The following NRG3 variants were observed in gnomAD, a reference collection of about 807,000 sequenced individuals.
NRG3 encodes neuregulin 3.
NRG3 carries 31 observed loss-of-function variants against 66.9 expected under a neutral mutation model. The observed-to-expected ratio is 0.46, with a 90% CI of 0.35 to 0.63. The LOEUF (loss-of-function observed/expected upper bound fraction) is 0.63. NRG3 is among the 20% of genes least tolerant of loss of function. NRG3 has a pLI of 0.00. For synonymous variants in NRG3, 393 were observed against 359.4 expected (o/e 1.09, Z -1.06); for missense variants, 910 against 878.9 (o/e 1.04, Z -0.45).
intron 1 of NRG3, among the ~76,000 whole-genome samples, chr10:82,158,253 C>T (rs1488874484): frequency 6.6e-6 from 1 of 151,768 alleles, no homozygotes; most frequent in Non-Finnish European, 1.5e-5. Context: ...ATTAACATGT[C>T]ATTTATTCAT....
intron 1 of NRG3, among the ~76,000 whole-genome samples, chr10:82,259,757 A>T (rs893013212): frequency 6.6e-6 from 1 of 152,020 alleles, no homozygotes; most frequent in Admixed American, 6.6e-5. Context: ...GTGAGACCTT[A>T]TGTCTACAAG....
chr10:82,102,003 G>GTATATATATATATATATATA lies in NRG3; in HGVS notation c.823+225856_823+225857insTATATATATATATATATATA, dbSNP rs142461785. 4.7e-4 allele frequency among the ~76,000 whole-genome samples: 61 copies of GTATATATATATATATATATA among 129,232 alleles called. 1 individual carries two copies. The highest frequency in any genetic ancestry group is 7.7e-4 in the Non-Finnish European group (46 of 59,408). The allele number at this position is 129,232 out of a possible 152,430, so 84.8% of individuals were successfully genotyped here. A position where few individuals can be genotyped will look rare whatever the true frequency, so the allele number is the denominator to read the frequency against. On this transcript the variant is annotated intron_variant, in intron 1 of 8. Coordinates refer to ENST00000372141, the MANE Select transcript of NRG3 (RefSeq NM_001010848.4). ...TTTACAGTTCTGTATATATGTGTGC[G>GTATATATATATATATATATA]TATATATATATATATACGCACACAT... is the stretch of plus-strand genomic sequence containing the variant.
chr10:82,647,397 T>C (rs2133858708), intron 2 of NRG3, among the ~76,000 whole-genome samples: 1 of 152,328 alleles, frequency 6.6e-6, no homozygotes, highest in South Asian at 2.1e-4. Context: ...CTTAATCCAG[T>C]CTATCATTGT....
chr10:82,173,490 A>G (rs2072787835), intron 1 of NRG3, among the ~76,000 whole-genome samples: 1 of 152,072 alleles, frequency 6.6e-6, no homozygotes, highest in Non-Finnish European at 1.5e-5. Flanking sequence ...ACCTATTAAA[A>G]CATAGCAACA....
At chr10:82,597,404 G>A (rs184004644) in intron 2 of NRG3, among the ~76,000 whole-genome samples, 5 of 152,286 alleles carry the variant, frequency 3.3e-5, no homozygotes, top group Admixed American at 2.6e-4. Flanking sequence ...TTTCTAGCTT[G>A]TAAAGAGAAT....
chr10:82,474,520 A>G (rs1209500798), intron 2 of NRG3, among the ~76,000 whole-genome samples: 1 of 152,186 alleles, frequency 6.6e-6, no homozygotes, highest in Non-Finnish European at 1.5e-5. Flanking sequence ...AAACAGAAGA[A>G]CTAATCATAG....
At chr10:82,841,458 T>C (rs1048612332) in intron 3 of NRG3, among the ~76,000 whole-genome samples, 1 of 152,226 alleles carries the variant, frequency 6.6e-6, no homozygotes, top group Non-Finnish European at 1.5e-5. Context: ...TCACATTATA[T>C]AATCATATCC....
At chr10:82,317,299 A>G (rs1445068570) in intron 1 of NRG3, among the ~76,000 whole-genome samples, 1 of 150,856 alleles carries the variant, frequency 6.6e-6, no homozygotes, top group East Asian at 1.9e-4. Context: ...ACACTATTTT[A>G]TTTTCCTCAT....
intron 1 of NRG3, among the ~76,000 whole-genome samples, chr10:82,177,645 C>G (rs1289550023): frequency 6.6e-6 from 1 of 152,158 alleles, no homozygotes; most frequent in Non-Finnish European, 1.5e-5. Flanking sequence ...GAAATCACAG[C>G]TCGCTGCCAC....
rs74345085 is a variant in NRG3 at position 81,981,261 on chromosome 10, C to G, written c.823+105098C>G. On this transcript the variant is annotated intron_variant, in intron 1 of 8. Coordinates refer to ENST00000372141, the MANE Select transcript of NRG3 (RefSeq NM_001010848.4). ...CCAGCTGTGAACTTGTAAAATTGTA[C>G]AAGTTCCGTATATTGAAAATCCATT... 3.2e-3 allele frequency among the ~76,000 whole-genome samples: 482 copies of G among 152,192 alleles called. 2 individuals carry two copies. The highest frequency in any genetic ancestry group is 4.9e-3 in the Non-Finnish European group (333 of 68,002).
chr10:82,378,723 A>T (rs937414324), intron 2 of NRG3, among the ~76,000 whole-genome samples: 2 of 151,954 alleles, frequency 1.3e-5, no homozygotes, highest in African/African-American at 4.8e-5. Flanking sequence ...GGTGTGTGCC[A>T]CCACACCTGG....
Position 82,318,107 on chromosome 10 carries a change from C to G in NRG3, c.824-40632C>G, listed in dbSNP as rs143355141. 4.7e-3 allele frequency among the ~76,000 whole-genome samples: 720 copies of G among 151,714 alleles called. 5 individuals are homozygous for G. The highest frequency in any genetic ancestry group is 0.017 in the African/African-American group (690 of 41,350). On this transcript the variant is annotated intron_variant, in intron 1 of 8. Transcript: ENST00000372141. The stretch of plus-strand genomic sequence containing the variant: ...GATAGTACCTGTAAAGATAAGCTAT[C>G]AATTTACATTGCTATGGCAAAAATT...
intron 1 of NRG3, among the ~76,000 whole-genome samples, chr10:82,291,134 G>A (rs113103418): frequency 0.014 from 2,149 of 151,354 alleles, 39 homozygotes; most frequent in South Asian, 0.051. Flanking sequence ...TTTCAGCAAG[G>A]TTGTAGAGTA....
chr10:82,795,349 A>G (rs1353115876), intron 3 of NRG3, among the ~76,000 whole-genome samples: 3 of 152,230 alleles, frequency 2.0e-5, no homozygotes. Flanking sequence ...GTGCACATTC[A>G]TGACAGGATA....
chr10:82,440,639 C>T (rs1457894142), intron 2 of NRG3, among the ~76,000 whole-genome samples: 2 of 151,938 alleles, frequency 1.3e-5, no homozygotes, highest in African/African-American at 4.8e-5. Context: ...TAACTTTTTC[C>T]TGAATGCTTG....
At chr10:82,962,917 A>G (rs1199543657) in intron 6 of NRG3, among the ~76,000 whole-genome samples, 1 of 152,180 alleles carries the variant, frequency 6.6e-6, no homozygotes, top group Non-Finnish European at 1.5e-5. Context: ...GAAAAGGCAC[A>G]TATTTATCCA....
At chr10:82,282,102 G>A (rs1263644303) in intron 1 of NRG3, among the ~76,000 whole-genome samples, 1 of 152,022 alleles carries the variant, frequency 6.6e-6, no homozygotes, top group Non-Finnish European at 1.5e-5. Flanking sequence ...GCAGGATAGT[G>A]GGGGCTGTGT....
intron 1 of NRG3, among the ~76,000 whole-genome samples, chr10:82,317,617 A>T (rs1367656522): frequency 6.6e-6 from 1 of 152,214 alleles, no homozygotes; most frequent in East Asian, 1.9e-4. Flanking sequence ...GCTTCTGGCC[A>T]ATAGGCTCTC....
intron 3 of NRG3, among the ~76,000 whole-genome samples, chr10:82,795,948 C>T (rs1276460727): frequency 1.3e-5 from 2 of 151,970 alleles, no homozygotes; most frequent in Non-Finnish European, 2.9e-5. Flanking sequence ...TTTAACAATT[C>T]TAAAAGAAGG....
Sources: gnomAD v4.1 joint callset for allele counts (sites outside exome capture counted in the v4.1 genomes callset) on GRCh38, gnomAD v4.1.1 for gene constraint, MANE v1.5 for transcripts, NCBI Gene and HGNC (gene_info 2026-07-23, HGNC 2026-07-21) for gene names.